Variants in RNF6 observed in about 807,000 individuals in gnomAD.
The protein encoded by RNF6 is ring finger protein 6.
In RNF6, 21 loss-of-function variants were observed where a neutral mutation model predicts 50.1. That is an observed-to-expected ratio of 0.42 (90% confidence interval 0.30 to 0.60). RNF6 has a LOEUF of 0.60. RNF6 is among the 20% of genes least tolerant of loss of function. The pLI is 0.20. For synonymous variants in RNF6, 255 were observed against 291.8 expected, an observed-to-expected ratio of 0.87 and a Z score of 1.29; for missense variants, 698 against 838.2, an observed-to-expected ratio of 0.83 and a Z score of 2.07.
At chr13:26,219,704 G>T (rs1593202497) in intron 2 of RNF6, 37 bp from the exon 3 acceptor site, 1 of 1,530,238 alleles carries the variant, frequency 6.5e-7, no homozygotes, top group Non-Finnish European at 8.9e-7. Flanking sequence ...AAGGTGTTAA[G>T]TCATGGACCA....
At chr13:26,186,800 C>G (rs568244649) in intron 5 of RNF6, among the ~76,000 whole-genome samples, 477 of 148,366 alleles carry the variant, frequency 3.2e-3, no homozygotes, top group African/African-American at 0.011. Context: ...TTTTTTGAGA[C>G]GGAGTCTCGT....
intron 5 of RNF6, among the ~76,000 whole-genome samples, chr13:26,182,130 G>A (rs1220245878): frequency 6.6e-6 from 1 of 152,180 alleles, no homozygotes; most frequent in Non-Finnish European, 1.5e-5. Flanking sequence ...GCTTTAAGCA[G>A]GTGTGGAGAG....
intron 5 of RNF6, among the ~76,000 whole-genome samples, chr13:26,186,690 C>T (rs9553761): frequency 0.64 from 97,994 of 152,148 alleles, 32,241 homozygotes; most frequent in Middle Eastern, 0.72. Context: ...TAGCGCGTTC[C>T]TTCGCTGTGC....
intron 5 of RNF6, among the ~76,000 whole-genome samples, chr13:26,203,507 G>C (rs1868973998): frequency 6.6e-6 from 1 of 152,240 alleles, no homozygotes; most frequent in Admixed American, 6.5e-5. Flanking sequence ...GACTGACTGA[G>C]AGCCTCCAGT....
At chr13:26,149,462 C>G (rs887525901) in intron 5 of RNF6, among the ~76,000 whole-genome samples, 2 of 152,032 alleles carry the variant, frequency 1.3e-5, no homozygotes, top group Non-Finnish European at 2.9e-5. Flanking sequence ...TGGCAGGCGC[C>G]TGTAGTCCCA....
intron 5 of RNF6, among the ~76,000 whole-genome samples, chr13:26,189,827 A>T (rs561431991): frequency 1.3e-5 from 2 of 152,132 alleles, no homozygotes; most frequent in Non-Finnish European, 2.9e-5. Flanking sequence ...GTGTTTAATA[A>T]CCCTTACTGT....
intron 5 of RNF6, among the ~76,000 whole-genome samples, chr13:26,162,471 ACTCTGTCTCCCAGTGCCTCTC>A (rs1344858705): frequency 2.0e-5 from 3 of 152,252 alleles, no homozygotes; most frequent in Non-Finnish European, 4.4e-5. Flanking sequence ...AGTACAGTAA[ACTCTGTCTCCCAGTGCCTCTC>A]CTGTGTCTCC....
Position 26,219,634 on chromosome 13 carries a change from A to C in RNF6, c.16T>G (p.Ser6Ala), listed in dbSNP as rs968974243. 4 of 1,613,178 alleles carry C rather than the reference A, an allele frequency of 2.5e-6. No individual in the cohort carries two copies. The African/African-American group carries it at 5.3e-5, about 22-fold the overall frequency. Residue 6 changes from serine to alanine, a missense_variant, in exon 3 of 5, where the codon TCG becomes GCG. Transcript: ENST00000381588. The stretch of plus-strand genomic sequence containing the variant: ...TCTTCACTGCCACCATCTGATCTCG[A>C]TCTAGACTGATTCATCCTGAGATTC... MNQSR[S>A]RSDGGSEETL...
rs114026154 is a variant in RNF6, at chr13:26,140,446, A to C, written n.769-7995T>G. ...GAAAAAGTGTTCAGTAAAATCCAAC[A>C]TCCCTTCATGATAAAAGCATCAACA... is the stretch of plus-strand genomic sequence containing the variant. On this transcript the variant is annotated intron_variant and non_coding_transcript_variant, in intron 5 of 5. Coordinates refer to the RNF6 transcript ENST00000468480. 3.6e-3 allele frequency among the ~76,000 whole-genome samples: 549 copies of C among 152,302 alleles called. 4 individuals carry two copies. The highest frequency in any genetic ancestry group is 0.013 in the African/African-American group (528 of 41,566).
At chr13:26,172,247 C>T (rs1016541484) in intron 5 of RNF6, among the ~76,000 whole-genome samples, 3 of 145,924 alleles carry the variant, frequency 2.1e-5, no homozygotes, top group African/African-American at 7.6e-5. Context: ...CATTCCGTAA[C>T]CGATGCTGGA....
At chr13:26,184,113 G>A (rs1177291419) in intron 5 of RNF6, among the ~76,000 whole-genome samples, 1 of 142,982 alleles carries the variant, frequency 7.0e-6, no homozygotes, top group Non-Finnish European at 1.5e-5. Context: ...TGCAAGCTCC[G>A]TCTCCTTAGG....
intron 5 of RNF6, among the ~76,000 whole-genome samples, chr13:26,150,337 C>T (rs1385274934): frequency 1.3e-5 from 2 of 151,976 alleles, no homozygotes; most frequent in Non-Finnish European, 1.5e-5. Flanking sequence ...TCGCGAATAA[C>T]GATAGCTAGC....
chr13:26,189,829 C>T (rs1566427610), intron 5 of RNF6, among the ~76,000 whole-genome samples: 1 of 152,166 alleles, frequency 6.6e-6, no homozygotes. Flanking sequence ...GTTTAATAAC[C>T]CTTACTGTTG....
chr13:26,167,033 A>T (rs1453840489), intron 5 of RNF6, among the ~76,000 whole-genome samples: 1 of 152,244 alleles, frequency 6.6e-6, no homozygotes, highest in Non-Finnish European at 1.5e-5. Flanking sequence ...TGTCTTTATT[A>T]GCATTGTGAG....
intron 5 of RNF6, among the ~76,000 whole-genome samples, chr13:26,186,227 AAG>A (rs1242674658): frequency 6.6e-6 from 1 of 152,268 alleles, no homozygotes; most frequent in Admixed American, 6.5e-5. Flanking sequence ...AGATCTTAAA[AAG>A]AGAAGTGAAA....
intron 5 of RNF6, chr13:26,150,705 T>C (rs1314470223): frequency 6.6e-6 from 1 of 151,564 alleles, no homozygotes; most frequent in Non-Finnish European, 1.5e-5. Context: ...CTTAAAGGAA[T>C]TACACCAGCT....
intron 5 of RNF6, among the ~76,000 whole-genome samples, chr13:26,152,311 T>C (rs578068310): frequency 6.6e-6 from 1 of 152,346 alleles, no homozygotes; most frequent in East Asian, 1.9e-4. Flanking sequence ...CGCCCAATGT[T>C]TCCAGTTTCC....
chr13:26,216,748 T>A (rs1450454814), intron 4 of RNF6, among the ~76,000 whole-genome samples: 1 of 151,924 alleles, frequency 6.6e-6, no homozygotes, highest in Non-Finnish European at 1.5e-5. Context: ...AAGTCAGGAG[T>A]TCGAGACCAG....
rs116043485 is a variant in RNF6 at position 26,148,131 on chromosome 13, G to A, written n.769-15680C>T. 8.0e-4 allele frequency among the ~76,000 whole-genome samples: 122 copies of A among 152,222 alleles called. 1 individual carries two copies. Among genetic ancestry groups the A allele is most frequent in the African/African-American group, 2.9e-3 (121 of 41,530 alleles). On this transcript the variant is annotated intron_variant and non_coding_transcript_variant, in intron 5 of 5. Coordinates refer to the RNF6 transcript ENST00000468480. ...AAGCAAGCACCTTCTTCACAAGGGG[G>A]CAGGAAAGAGAATGAGCAAGAGAGC...
Sources: allele counts gnomAD v4.1 joint callset (sites outside exome capture counted in the v4.1 genomes callset), GRCh38; gene constraint gnomAD v4.1.1; transcripts MANE v1.5; gene names NCBI Gene and HGNC (gene_info 2026-07-23, HGNC 2026-07-21).